HIPK1: variants seen among roughly 807,000 people sequenced by gnomAD.
HIPK1 encodes the protein homeodomain interacting protein kinase 1.
In HIPK1, 28 loss-of-function variants were observed where a neutral mutation model predicts 117.1. That is an observed-to-expected ratio of 0.24 (90% CI 0.18 to 0.33). The LOEUF is 0.33. Ranked by LOEUF, HIPK1 falls within the 10% of genes least tolerant of loss-of-function variation. HIPK1 has a pLI of 1.00. For synonymous variants in HIPK1, 605 were observed against 562.5 expected (o/e 1.08, Z -1.07); for missense variants, 1,122 against 1,475.1 (o/e 0.76, Z 3.92).
intron 3 of HIPK1, 58 bp from the exon 4 acceptor site, chr1:113,954,593 G>C: frequency 1.3e-6 from 2 of 1,586,484 alleles, no homozygotes; most frequent in South Asian, 1.1e-5. Flanking sequence ...TAGTGTAAAA[G>C]CCTTTAATAA....
At position 113,940,582 on chromosome 1, in the gene HIPK1, A is replaced by G. The variant is rs1290706585; in HGVS notation, c.199A>G (p.Ile67Val). Residue 67 changes from isoleucine (I) to valine (V), a missense_variant, in exon 2 of 16, where the codon ATC becomes GTC. Ile to Val is a conservative substitution (Grantham distance 29). Coordinates refer to ENST00000426820, the MANE Select transcript of HIPK1 (RefSeq NM_198268.3). Reference protein sequence around the residue: ...NSSHQVANFNIPAYDQGLLLP... With the variant: ...NSSHQVANFNVPAYDQGLLLP... ...CTCTCACCAGGTAGCAAATTTCAAC[A>G]TCCCTGCTTACGACCAGGGCCTCCT... 2 of 1,614,020 alleles carry G rather than the reference A, an allele frequency of 1.2e-6. No individual in the cohort carries two copies. Among genetic ancestry groups the G allele is most frequent in the East Asian group, 4.5e-5 (2 of 44,890 alleles).
chr1:113,956,026 A>G (rs1671693277), intron 5 of HIPK1, among the ~76,000 whole-genome samples: 1 of 142,994 alleles, frequency 7.0e-6, no homozygotes, highest in East Asian at 2.1e-4. Context: ...AAGCTTTTAT[A>G]TTTAGGTAGT....
chr1:113,966,031 A>G (rs1436608058), intron 10 of HIPK1, 99 bp from the exon 11 acceptor site: 2 of 1,221,692 alleles, frequency 1.6e-6, no homozygotes, highest in Non-Finnish European at 2.3e-6. Context: ...TCTACAAGCA[A>G]CTTCTTTTAA....
intron 10 of HIPK1, among the ~76,000 whole-genome samples, chr1:113,963,823 G>A (rs1240442875): frequency 1.3e-5 from 2 of 152,140 alleles, no homozygotes; most frequent in African/African-American, 4.8e-5. Flanking sequence ...TGTGATAAAA[G>A]CTCTCGATGT....
chr1:113,969,026 C>A (rs1424274373), intron 13 of HIPK1, among the ~76,000 whole-genome samples: 34 of 151,942 alleles, frequency 2.2e-4, no homozygotes, highest in Non-Finnish European at 5.9e-5. Context: ...TCCCCTCCCG[C>A]CCCCACCCAA....
chr1:113,960,810 C>T lies in HIPK1; in HGVS notation c.1982-1507C>T, dbSNP rs77574550. Among the ~76,000 whole-genome samples, 1,465 of 152,050 alleles carry T rather than the reference C, an allele frequency of 9.6e-3. 28 individuals carry two copies. Among genetic ancestry groups the T allele is most frequent in the African/African-American group, 0.033 (1,367 of 41,480 alleles). On this transcript the variant is annotated intron_variant, in intron 8 of 15. Coordinates refer to ENST00000426820, the MANE Select transcript of HIPK1 (RefSeq NM_198268.3). ...TTTTACTATGCCCTCTTATTTTGTA[C>T]GTTGCTGGATTGTATTTTTCTTCAT...
chr1:113,954,151 G>A (rs1008398275), intron 3 of HIPK1, among the ~76,000 whole-genome samples: 1 of 151,920 alleles, frequency 6.6e-6, no homozygotes, highest in Non-Finnish European at 1.5e-5. Context: ...TGTAGAGTCG[G>A]GGATCTTGCT....
In HIPK1 at chr1:113,954,632, G is replaced by C. The variant is rs1671592616; in HGVS notation, c.1201-19G>C. ...CCCTTTTCACTCCAAATAGTTGTTT[G>C]ATGGTTTTGATGTTTCAGATTCGTT... On this transcript the variant is annotated intron_variant, in intron 3 of 15. Transcript: ENST00000426820. 2.5e-6 allele frequency: 4 copies of C among 1,612,820 alleles called. No homozygotes were observed. In the African/African-American group the frequency reaches 5.3e-5, roughly 22 times the overall value.
At chr1:113,961,997 A>C (rs1015507072) in intron 8 of HIPK1, among the ~76,000 whole-genome samples, 1 of 151,656 alleles carries the variant, frequency 6.6e-6, no homozygotes, top group Admixed American at 6.6e-5. Context: ...TACTAAGTGA[A>C]GATTTTTTTG....
In HIPK1 at chr1:113,962,297, T is replaced by C; in HGVS notation, c.1982-20T>C. 1 of 1,611,322 alleles carries C rather than the reference T, an allele frequency of 6.2e-7. No individual in the cohort carries two copies. Among genetic ancestry groups the C allele is most frequent in the Non-Finnish European group, 8.5e-7 (1 of 1,178,494 alleles). On this transcript the variant is annotated intron_variant, in intron 8 of 15. Coordinates refer to ENST00000426820, the MANE Select transcript of HIPK1 (RefSeq NM_198268.3). ...CCCAGACCTTGCAAAACTATTTAAC[T>C]GTGATGCTGTTTTCAATAGCTGGAC...
chr1:113,959,689 T>C (rs530821181), intron 8 of HIPK1, among the ~76,000 whole-genome samples: 3 of 152,288 alleles, frequency 2.0e-5, no homozygotes, highest in African/African-American at 7.2e-5. Context: ...ATAACCCTTT[T>C]TAGTATAATT....
intron 12 of HIPK1, 48 bp downstream of exon 12, chr1:113,967,996 A>G (rs377457298): frequency 6.6e-7 from 1 of 1,520,442 alleles, no homozygotes; most frequent in Non-Finnish European, 9.0e-7. Flanking sequence ...AGTTTGAGAG[A>G]TATGTTGCCT....
chr1:113,959,914 A>G (rs1016913436), intron 8 of HIPK1, among the ~76,000 whole-genome samples: 2 of 152,212 alleles, frequency 1.3e-5, no homozygotes, highest in South Asian at 2.1e-4. Flanking sequence ...GGGTAATGTC[A>G]TTATCCCCAA....
rs145570062 is a variant in HIPK1 at position 113,963,258 on chromosome 1, A to C, written c.2104-129A>C. On this transcript the variant is annotated intron_variant, in intron 9 of 15. Transcript: ENST00000426820. ...TTGAAGGGGGAAAGTTGTGTTTGGTATATGCATTTTAGATGCTATCAAATT... is the reference window on the plus strand; with the variant it reads ...TTGAAGGGGGAAAGTTGTGTTTGGTCTATGCATTTTAGATGCTATCAAATT... The C allele has an allele frequency of 3.0e-5, 31 of 1,038,206 alleles. No individual in the cohort carries two copies. In the African/African-American group the frequency reaches 4.7e-4, roughly 16 times the overall value. 64.3% of individuals were successfully genotyped at this position (1,038,206 alleles called of 1,614,324 possible). A position where few individuals can be genotyped will look rare whatever the true frequency, so the allele number is the denominator to read the frequency against.
intron 15 of HIPK1, 140 bp from the exon 16 acceptor site, chr1:113,972,884 C>T (rs1672929925): frequency 2.9e-5 from 24 of 820,790 alleles, no homozygotes; most frequent in Non-Finnish European, 4.1e-5. Context: ...TTTCTGACAG[C>T]ATTCAATGCC....
intron 3 of HIPK1, among the ~76,000 whole-genome samples, chr1:113,954,442 A>G (rs2101320273): frequency 6.6e-6 from 1 of 152,342 alleles, no homozygotes; most frequent in South Asian, 2.1e-4. Flanking sequence ...ATTATAGCCA[A>G]AATTTTCAAA....
At chr1:113,968,280 G>C (rs1293975061) in intron 12 of HIPK1, among the ~76,000 whole-genome samples, 162 bp from the exon 13 acceptor site, 1 of 150,780 alleles carries the variant, frequency 6.6e-6, no homozygotes, top group African/African-American at 2.4e-5. Flanking sequence ...ACTCTTGCCA[G>C]CATGGTGCTT....
At chr1:113,933,252 A>G (rs1670016907) in intron 1 of HIPK1, 1 of 940,066 alleles carries the variant, frequency 1.1e-6, no homozygotes, top group African/African-American at 1.8e-5. Flanking sequence ...AAAGTTAGGA[A>G]AAGAAAAGCC....
chr1:113,939,505 T>C (rs1379462411), intron 1 of HIPK1, among the ~76,000 whole-genome samples: 2 of 152,044 alleles, frequency 1.3e-5, no homozygotes, highest in Admixed American at 6.6e-5. Flanking sequence ...TCTGAATGTA[T>C]TGAATATGAG....
Sources: gnomAD v4.1 joint callset for allele counts (sites outside exome capture counted in the v4.1 genomes callset) on GRCh38, gnomAD v4.1.1 for gene constraint, MANE v1.5 for transcripts, NCBI Gene and HGNC (gene_info 2026-07-23, HGNC 2026-07-21) for gene names.